THSD7B: variants seen among roughly 807,000 people sequenced by gnomAD.
The protein encoded by THSD7B is thrombospondin type-1 domain-containing protein 7B.
A neutral mutation model predicts 213.6 loss-of-function variants in THSD7B; 138 were observed. The observed-to-expected ratio is 0.65, with a 90% CI of 0.56 to 0.74. The LOEUF (loss-of-function observed/expected upper bound fraction) is 0.74. THSD7B is among the 30% of genes least tolerant of loss of function. THSD7B has a pLI of 0.00. For synonymous variants in THSD7B, 742 were observed against 687.0 expected (o/e 1.08, Z -1.25); for missense variants, 1,931 against 1,991.5 (o/e 0.97, Z 0.58).
chr2:137,138,717 T>C (rs773948599), intron 5 of THSD7B, among the ~76,000 whole-genome samples: 6 of 152,178 alleles, frequency 3.9e-5, no homozygotes, highest in Non-Finnish European at 7.3e-5. Flanking sequence ...TTCATTGTCA[T>C]CCAAGAAGGT....
intron 10 of THSD7B, among the ~76,000 whole-genome samples, chr2:137,260,172 G>A (rs1682408806): frequency 1.3e-5 from 2 of 152,122 alleles, no homozygotes; most frequent in Non-Finnish European, 2.9e-5. Flanking sequence ...TATAGGACAT[G>A]TCAACAAATT....
Position 137,243,580 on chromosome 2 carries a change from T to A in THSD7B, c.2266+1008T>A, listed in dbSNP as rs200038916. ...AGAAAAAAGCCTGTCAGAGGTTTGC[T>A]TTCCTTGGATAATTCCAGCTGTGTG... On this transcript the variant is annotated intron_variant, in intron 10 of 27. Transcript: ENST00000409968. Among the ~76,000 whole-genome samples, 103 of 152,346 alleles carry A rather than the reference T, an allele frequency of 6.8e-4. No individual in the cohort carries two copies. The East Asian group carries it at 0.019, about 28-fold the overall frequency.
At chr2:137,444,293 A>G (rs1218709139) in intron 14 of THSD7B, among the ~76,000 whole-genome samples, 1 of 152,028 alleles carries the variant, frequency 6.6e-6, no homozygotes, top group Non-Finnish European at 1.5e-5. Flanking sequence ...TCACATGCTG[A>G]TGGATTGAGA....
At chr2:137,531,413 G>A (rs942756660) in intron 15 of THSD7B, among the ~76,000 whole-genome samples, 4 of 151,928 alleles carry the variant, frequency 2.6e-5, no homozygotes, top group South Asian at 4.1e-4. Context: ...CATAGAGGTA[G>A]CACTCAGGGT....
chr2:136,858,829 C>A (rs1055446890), intron 1 of THSD7B, among the ~76,000 whole-genome samples: 1 of 152,178 alleles, frequency 6.6e-6, no homozygotes, highest in African/African-American at 2.4e-5. Context: ...TCCCATGGTG[C>A]GCCCTTATTG....
intron 15 of THSD7B, among the ~76,000 whole-genome samples, chr2:137,523,031 C>T (rs972273811): frequency 3.9e-5 from 6 of 152,102 alleles, no homozygotes; most frequent in African/African-American, 7.2e-5. Flanking sequence ...TTGTTATTGA[C>T]GTTGTAAAGG....
At chr2:137,227,326 G>GTT (rs1681530710) in intron 7 of THSD7B, among the ~76,000 whole-genome samples, 1 of 152,154 alleles carries the variant, frequency 6.6e-6, no homozygotes, top group Non-Finnish European at 1.5e-5. Flanking sequence ...AGAACAGGGA[G>GTT]TTTGCTCTTA....
At chr2:137,534,716 A>T (rs1439906830) in intron 15 of THSD7B, among the ~76,000 whole-genome samples, 1 of 151,766 alleles carries the variant, frequency 6.6e-6, no homozygotes, top group Non-Finnish European at 1.5e-5. Flanking sequence ...ATCTATGAGT[A>T]ATAAATGTAT....
At chr2:136,954,740 T>TAAAAAAG (rs773677139) in intron 2 of THSD7B, among the ~76,000 whole-genome samples, 2,325 of 137,228 alleles carry the variant, frequency 0.017, 74 homozygotes, top group South Asian at 0.031. Context: ...AAAAAGAAAT[T>TAAAAAAG]ACATAAGAGC....
intron 2 of THSD7B, among the ~76,000 whole-genome samples, chr2:136,960,617 A>T (rs994006964): frequency 6.6e-6 from 1 of 152,118 alleles, no homozygotes; most frequent in Non-Finnish European, 1.5e-5. Context: ...AGTGCCTTTC[A>T]AACAATAGCG....
At chr2:136,957,637 A>T (rs765144834) in intron 2 of THSD7B, among the ~76,000 whole-genome samples, 27 of 152,162 alleles carry the variant, frequency 1.8e-4, no homozygotes, top group Non-Finnish European at 2.9e-5. Flanking sequence ...ACATAATGCG[A>T]TAGAAACAAT....
At chr2:136,859,431 T>C (rs1482749482) in intron 1 of THSD7B, among the ~76,000 whole-genome samples, 3 of 152,212 alleles carry the variant, frequency 2.0e-5, no homozygotes, top group Non-Finnish European at 4.4e-5. Context: ...GGAGAGAAGA[T>C]AGACTCAAAG....
chr2:136,767,914 G>C (rs1681437500), intron 1 of THSD7B, among the ~76,000 whole-genome samples: 1 of 152,012 alleles, frequency 6.6e-6, no homozygotes, highest in African/African-American at 2.4e-5. Context: ...TAATCTTCTG[G>C]CCCATTGTTT....
chr2:137,012,081 C>T (rs536436204), intron 2 of THSD7B, among the ~76,000 whole-genome samples: 2 of 152,230 alleles, frequency 1.3e-5, no homozygotes, highest in Admixed American at 1.3e-4. Flanking sequence ...CTCAATCAGG[C>T]AAAGTGATAA....
intron 7 of THSD7B, among the ~76,000 whole-genome samples, chr2:137,208,814 A>G (rs1205478484): frequency 1.3e-5 from 2 of 152,062 alleles, no homozygotes; most frequent in African/African-American, 4.8e-5. Flanking sequence ...TCAGCTGGTC[A>G]TCAGCAATGC....
chr2:137,266,133 ATCTT>A (rs988084280), intron 10 of THSD7B, among the ~76,000 whole-genome samples: 2 of 152,192 alleles, frequency 1.3e-5, no homozygotes, highest in African/African-American at 4.8e-5. Flanking sequence ...ATTTTTTAAA[ATCTT>A]TCTTTTCTTT....
At chr2:136,911,597 G>A (rs1684258876) in intron 2 of THSD7B, among the ~76,000 whole-genome samples, 1 of 152,224 alleles carries the variant, frequency 6.6e-6, no homozygotes, top group Admixed American at 6.5e-5. Flanking sequence ...AACAGTTGTT[G>A]ATAATGTCTT....
At chr2:137,116,096 T>C (rs1004896670) in intron 5 of THSD7B, among the ~76,000 whole-genome samples, 3 of 152,238 alleles carry the variant, frequency 2.0e-5, no homozygotes, top group African/African-American at 7.2e-5. Context: ...GCAAATTTTC[T>C]TGCTATGGTA....
At chr2:136,914,066 G>C (rs1684311354) in intron 2 of THSD7B, among the ~76,000 whole-genome samples, 1 of 152,188 alleles carries the variant, frequency 6.6e-6, no homozygotes, top group Non-Finnish European at 1.5e-5. Context: ...AAAGCCACTG[G>C]GGTGGAGCTG....
Sources: allele counts gnomAD v4.1 joint callset (sites outside exome capture counted in the v4.1 genomes callset), GRCh38; gene constraint gnomAD v4.1.1; transcripts MANE v1.5; gene names NCBI Gene and HGNC (gene_info 2026-07-23, HGNC 2026-07-21).